The following NBPF12 variants were observed in gnomAD, a reference collection of about 807,000 sequenced individuals.
NBPF12 encodes NBPF family member NBPF12.
Under a neutral mutation model 146.4 loss-of-function variants are expected in NBPF12, and 115 were observed. That is an observed-to-expected ratio of 0.79 (90% CI 0.68 to 0.92). NBPF12 has a LOEUF of 0.92. Among genes scored for constraint, NBPF12 ranks in the 40% least tolerant of loss-of-function variants. The pLI is 0.00. For synonymous variants in NBPF12, 385 were observed against 508.9 expected (o/e 0.76, Z 3.28); for missense variants, 1,205 against 1,326.8 (o/e 0.91, Z 1.43).
At chr1:146,994,371 C>A in exon 34 of NBPF12, 1 of 1,612,338 alleles carries the variant, frequency 6.2e-7, no homozygotes. Context: ...AGCCTGAAGT[C>A]TTGCAGGACT....
At chr1:146,952,317 G>A (rs1335611157) in intron 2 of NBPF12, among the ~76,000 whole-genome samples, 17 of 152,212 alleles carry the variant, frequency 1.1e-4, no homozygotes, top group Middle Eastern at 3.4e-3. Flanking sequence ...CTCTAGGGCC[G>A]TGTGGTCTGT....
intron 9 of NBPF12, among the ~76,000 whole-genome samples, chr1:146,966,982 G>A (rs1293749597): frequency 0.012 from 1,854 of 148,956 alleles, 32 homozygotes; most frequent in African/African-American, 0.032. Context: ...TCCTCTCTGT[G>A]CCACATAAGA....
chr1:146,946,115 T>C (rs1161290949), upstream of NBPF12, among the ~76,000 whole-genome samples: 1 of 152,002 alleles, frequency 6.6e-6, no homozygotes, highest in Non-Finnish European at 1.5e-5. Context: ...CATGACTTGA[T>C]AGCTTGTTTT....
At chr1:146,970,073 G>A (rs1387507538) in intron 11 of NBPF12, among the ~76,000 whole-genome samples, 1,526 of 149,914 alleles carry the variant, frequency 0.01, 74 homozygotes, top group African/African-American at 0.035. Flanking sequence ...ACTTACGAAT[G>A]CTTTTCAAAA....
chr1:146,974,266 AT>A, intron 14 of NBPF12, among the ~76,000 whole-genome samples: 1 of 145,366 alleles, frequency 6.9e-6, no homozygotes, highest in Non-Finnish European at 1.5e-5. Context: ...TGAAGATATG[AT>A]TAAAAAATCA....
In NBPF12 at chr1:146,963,297, A is replaced by T; in HGVS notation, c.481A>T (p.Lys161Ter). The change falls in exon 6 of 34, where the codon AAG becomes TAG. Residue 161 changes from lysine to a stop codon, truncating the protein, a stop_gained. Transcript: ENST00000617844. LOFTEE classifies it high-confidence loss of function. ...TAGACTGGCACAGCAACTTGTCCAA[A>T]AGCTCAGCCCAGGTAAGGTGGCCAT... 3.1e-6 allele frequency: 5 copies of T among 1,611,968 alleles called. No individual in the cohort carries two copies. Among genetic ancestry groups the T allele is most frequent in the Non-Finnish European group, 4.2e-6 (5 of 1,179,848 alleles).
At chr1:146,967,206 A>G (rs1277891214) in intron 9 of NBPF12, among the ~76,000 whole-genome samples, 1 of 150,424 alleles carries the variant, frequency 6.6e-6, no homozygotes, top group Non-Finnish European at 1.5e-5. Context: ...GACAGCATCA[A>G]GAGCAGGGAG....
Position 146,964,336 on chromosome 1 carries a change from A to T in NBPF12, c.494-21A>T, listed in dbSNP as rs2101853970. On this transcript the variant is annotated intron_variant, in intron 6 of 33. Coordinates refer to ENST00000617844, the Ensembl canonical transcript of NBPF12. ...AGAATGTGAAGTGGGACATATCTGA[A>T]TGAACATTTTGTATTTATAGAAAAT... 3.1e-6 allele frequency: 5 copies of T among 1,602,002 alleles called. No individual in the cohort carries two copies. In the East Asian group the frequency reaches 1.1e-4, roughly 36 times the overall value.
intron 19 of NBPF12, among the ~76,000 whole-genome samples, chr1:146,980,961 T>A (rs1657332002): frequency 7.6e-6 from 1 of 131,708 alleles, no homozygotes; most frequent in African/African-American, 2.9e-5. Context: ...TAAAAAATGA[T>A]GAGTTCATGT....
At chr1:146,966,098 C>A (rs1340383514) in intron 8 of NBPF12, among the ~76,000 whole-genome samples, 3 of 151,758 alleles carry the variant, frequency 2.0e-5, no homozygotes, top group Non-Finnish European at 4.4e-5. Flanking sequence ...CAGAGTGAGA[C>A]TCCGTCTCAA....
rs1553885372 is a variant in NBPF12 at position 146,964,914 on chromosome 1, G to C, written c.588G>C (p.Glu196Asp). Residue 196 changes from glutamate to aspartate, a missense_variant, in exon 8 of 34, where the codon GAG becomes GAC. Physicochemically the swap from Glu to Asp is conservative, Grantham distance 45. Coordinates refer to ENST00000617844, the Ensembl canonical transcript of NBPF12. ...TCAGGGAGGTGCAGAAGGCTGAAGA[G>C]AGCAAAGTCCCTGAGGACTCACTGG... is the stretch of plus-strand genomic sequence containing the variant. The C allele has an allele frequency of 7.5e-6, 12 of 1,605,884 alleles. 1 individual carries two copies. Among genetic ancestry groups the C allele is most frequent in the African/African-American group, 6.8e-5 (5 of 73,108 alleles).
intron 23 of NBPF12, among the ~76,000 whole-genome samples, chr1:146,986,045 C>G (rs1429026332): frequency 1.3e-5 from 2 of 151,928 alleles, no homozygotes; most frequent in African/African-American, 2.4e-5. Context: ...TTCATGATCA[C>G]TGTTCACTGT....
At chr1:146,994,559 T>G in exon 34 of NBPF12, 2 of 1,609,140 alleles carry the variant, frequency 1.2e-6, no homozygotes, top group Non-Finnish European at 1.7e-6. Flanking sequence ...CAGATGGGAG[T>G]CATATTCCCA....
chr1:146,949,999 T>C (rs1655258793), intron 1 of NBPF12, among the ~76,000 whole-genome samples: 2 of 152,110 alleles, frequency 1.3e-5, no homozygotes, highest in African/African-American at 4.8e-5. Flanking sequence ...CTTAAAGTCA[T>C]ATAACTGGCA....
At chr1:146,956,385 T>C (rs1462036831) in intron 2 of NBPF12, among the ~76,000 whole-genome samples, 12 of 152,022 alleles carry the variant, frequency 7.9e-5, no homozygotes, top group Non-Finnish European at 1.8e-4. Context: ...CAAGAAACTT[T>C]GGGGCATAGG....
At chr1:146,973,778 A>C (rs1342540929) in intron 14 of NBPF12, among the ~76,000 whole-genome samples, 1 of 145,362 alleles carries the variant, frequency 6.9e-6, no homozygotes, top group African/African-American at 2.7e-5. Context: ...ACAGGGCAAG[A>C]CTGTTAAAAA....
At chr1:146,994,773 C>T in exon 34 of NBPF12, 7 of 920,788 alleles carry the variant, frequency 7.6e-6, no homozygotes, top group Non-Finnish European at 7.9e-6. Context: ...TTAGGTGTGA[C>T]ACGTTCACAT....
At chr1:146,962,167 A>G in exon 5 of NBPF12, 1 of 1,608,722 alleles carries the variant, frequency 6.2e-7, no homozygotes, top group Non-Finnish European at 8.5e-7. Context: ...TCAGAGTATG[A>G]AGAGTGTAAA....
chr1:146,964,469 A>T (rs1553885256), intron 7 of NBPF12, 40 bp downstream of exon 10: 1 of 1,595,332 alleles, frequency 6.3e-7, no homozygotes. Context: ...GGGTGGTAAC[A>T]TATGAAAATG....
Sources: allele counts gnomAD v4.1 joint callset (sites outside exome capture counted in the v4.1 genomes callset), GRCh38; gene constraint gnomAD v4.1.1; transcripts MANE v1.5; gene names NCBI Gene and HGNC (gene_info 2026-07-23, HGNC 2026-07-21).